The following CEP128 variants were observed in gnomAD, a reference collection of about 807,000 sequenced individuals.
The protein encoded by CEP128 is centrosomal protein 128kDa.
Under a neutral mutation model 156.7 loss-of-function variants are expected in CEP128, and 132 were observed. The ratio of observed to expected loss-of-function variants is 0.84; its 90% confidence interval spans 0.73 to 0.97. The LOEUF is 0.97. Among genes scored for constraint, CEP128 ranks in the 50% least tolerant of loss-of-function variants. The probability of loss-of-function intolerance (pLI) is 0.00; values close to 1 mark genes in which losing one functional copy is unlikely to be tolerated. For missense variants in CEP128, 1,252 were observed against 1,281.9 expected, an observed-to-expected ratio of 0.98 and a Z score of 0.36; for synonymous variants, 469 against 448.9, an observed-to-expected ratio of 1.04 and a Z score of -0.57.
chr14:80,667,866 A>AAG (rs1419263349), intron 19 of CEP128, among the ~76,000 whole-genome samples: 10 of 151,698 alleles, frequency 6.6e-5, no homozygotes, highest in African/African-American at 2.4e-4. Flanking sequence ...TCAAAAAAAA[A>AAG]AAAAAAAAGG....
intron 20 of CEP128, among the ~76,000 whole-genome samples, chr14:80,569,098 A>G (rs1390722649): frequency 1.3e-5 from 2 of 152,212 alleles, no homozygotes; most frequent in African/African-American, 4.8e-5. Context: ...CTATTATCTT[A>G]AAGTAATTGA....
intron 13 of CEP128, among the ~76,000 whole-genome samples, chr14:80,794,296 T>C (rs1456292669): frequency 6.6e-6 from 1 of 152,224 alleles, no homozygotes; most frequent in East Asian, 1.9e-4. Context: ...TCCCTCATGA[T>C]TAAAATCATG....
intron 19 of CEP128, among the ~76,000 whole-genome samples, chr14:80,722,054 G>A (rs1044566950): frequency 6.6e-6 from 1 of 152,170 alleles, no homozygotes; most frequent in African/African-American, 2.4e-5. Flanking sequence ...GCATTAAAAT[G>A]TTTTTGGTGC....
At chr14:80,838,841 A>G (rs565160040) in intron 10 of CEP128, among the ~76,000 whole-genome samples, 114 of 152,198 alleles carry the variant, frequency 7.5e-4, no homozygotes, top group Non-Finnish European at 1.2e-3. Flanking sequence ...AAATTTCCTT[A>G]ATGATACTGC....
At chr14:80,672,936 A>C (rs1297189560) in intron 19 of CEP128, among the ~76,000 whole-genome samples, 1 of 152,202 alleles carries the variant, frequency 6.6e-6, no homozygotes, top group Non-Finnish European at 1.5e-5. Context: ...CAATCTTTTT[A>C]TAAAAATAAT....
At chr14:80,802,418 T>C (rs1883924284) in intron 13 of CEP128, among the ~76,000 whole-genome samples, 1 of 151,998 alleles carries the variant, frequency 6.6e-6, no homozygotes, top group Non-Finnish European at 1.5e-5. Flanking sequence ...GCCATCCTCC[T>C]CAGCAAACTA....
chr14:80,647,711 C>G (rs1894724972), intron 19 of CEP128, among the ~76,000 whole-genome samples: 1 of 151,992 alleles, frequency 6.6e-6, no homozygotes. Context: ...GGCTAAATAG[C>G]CTACAACGTG....
At chr14:80,914,515 C>T in intron 3 of CEP128, 107 bp from the exon 4 acceptor site, 1 of 780,840 alleles carries the variant, frequency 1.3e-6, no homozygotes, top group South Asian at 1.5e-5. Context: ...AAATGTACAA[C>T]TTTTATCATG....
chr14:80,761,065 A>G (rs1017312996), intron 17 of CEP128, among the ~76,000 whole-genome samples: 1 of 152,088 alleles, frequency 6.6e-6, no homozygotes, highest in Non-Finnish European at 1.5e-5. Context: ...CACCATGCAT[A>G]CTACAGTACC....
At chr14:80,691,348 G>C (rs1414584568) in intron 19 of CEP128, among the ~76,000 whole-genome samples, 1 of 152,158 alleles carries the variant, frequency 6.6e-6, no homozygotes, top group Non-Finnish European at 1.5e-5. Flanking sequence ...ATGGTATCTG[G>C]AAAGAAGAGA....
chr14:80,908,001 T>A (rs1883987510), intron 4 of CEP128, among the ~76,000 whole-genome samples: 1 of 152,174 alleles, frequency 6.6e-6, no homozygotes, highest in Non-Finnish European at 1.5e-5. Context: ...ATTTCCATCT[T>A]TCAAGCTAAA....
chr14:80,754,659 T>A (rs1899558773), intron 18 of CEP128, among the ~76,000 whole-genome samples: 1 of 152,148 alleles, frequency 6.6e-6, no homozygotes, highest in Non-Finnish European at 1.5e-5. Flanking sequence ...AGACAGGGGT[T>A]CACCGTGTTA....
chr14:80,880,553 C>T (rs1323269162), intron 8 of CEP128, among the ~76,000 whole-genome samples: 1 of 151,848 alleles, frequency 6.6e-6, no homozygotes, highest in African/African-American at 2.4e-5. Context: ...GGAAATGGTC[C>T]TACACATCAA....
intron 19 of CEP128, among the ~76,000 whole-genome samples, chr14:80,694,776 C>T (rs1896834835): frequency 1.3e-5 from 2 of 151,900 alleles, no homozygotes; most frequent in East Asian, 3.9e-4. Context: ...GGAAGGGGAG[C>T]ATTATCATAA....
intron 14 of CEP128, among the ~76,000 whole-genome samples, chr14:80,482,650 G>A (rs899881877): frequency 1.3e-5 from 2 of 152,144 alleles, no homozygotes; most frequent in African/African-American, 4.8e-5. Context: ...CAGCAACACT[G>A]CATCACCAGA....
At chr14:80,656,280 T>C (rs1354152468) in intron 19 of CEP128, among the ~76,000 whole-genome samples, 1 of 9,314 alleles carries the variant, frequency 1.1e-4, no homozygotes, top group South Asian at 2.6e-3. Context: ...AGTTTTTATT[T>C]ATATATATAT....
intron 2 of CEP128, among the ~76,000 whole-genome samples, chr14:80,954,802 C>T (rs1357909469): frequency 6.6e-6 from 1 of 152,190 alleles, no homozygotes; most frequent in African/African-American, 2.4e-5. Context: ...ATTTTTCTTC[C>T]CATCTTCCAG....
chr14:80,569,432 TGA>T (rs1403047613), intron 20 of CEP128, among the ~76,000 whole-genome samples: 1 of 152,182 alleles, frequency 6.6e-6, no homozygotes, highest in Non-Finnish European at 1.5e-5. Flanking sequence ...ATAAATTGGA[TGA>T]GAGTTTGTTA....
At chr14:80,483,941 G>A (rs72689011) in intron 14 of CEP128, among the ~76,000 whole-genome samples, 6,959 of 152,136 alleles carry the variant, frequency 0.046, 245 homozygotes, top group East Asian at 0.13. Context: ...AACAGGTGAT[G>A]GTATCAAAAT....
Sources: gnomAD v4.1 joint callset for allele counts (sites outside exome capture counted in the v4.1 genomes callset) on GRCh38, gnomAD v4.1.1 for gene constraint, MANE v1.5 for transcripts, NCBI Gene and HGNC (gene_info 2026-07-23, HGNC 2026-07-21) for gene names.